Variants in RNLS observed in about 807,000 individuals in gnomAD.
The protein encoded by RNLS is renalase.
RNLS carries 39 observed loss-of-function variants against 39.8 expected under a neutral mutation model. The ratio of observed to expected loss-of-function variants is 0.98; its 90% CI spans 0.76 to 1.28. The LOEUF (loss-of-function observed/expected upper bound fraction) is 1.28, where lower values mean the gene tolerates loss of function less well. Ranked by LOEUF, RNLS falls within the 50% of genes most tolerant of loss-of-function variation. The probability of loss-of-function intolerance (pLI) is 0.00; values close to 1 mark genes in which losing one functional copy is unlikely to be tolerated. For missense variants in RNLS, 410 were observed against 413.3 expected (o/e 0.99, Z 0.07); for synonymous variants, 147 against 150.7 (o/e 0.98, Z 0.18).
At chr10:88,263,377 T>C in the RNLS span, among the ~76,000 whole-genome samples, 1 of 152,132 alleles carries the variant, frequency 6.6e-6, no homozygotes, top group Non-Finnish European at 1.5e-5. Flanking sequence ...ATTTCATATA[T>C]TTGGATTTGA....
chr10:88,349,256 T>A (rs1407536361), intron 5 of RNLS, among the ~76,000 whole-genome samples: 2 of 152,210 alleles, frequency 1.3e-5, no homozygotes, highest in African/African-American at 4.8e-5. Context: ...TCTACTTTCA[T>A]TCCATCTCTG....
At chr10:88,329,089 T>C (rs995004106) in intron 5 of RNLS, among the ~76,000 whole-genome samples, 1 of 151,878 alleles carries the variant, frequency 6.6e-6, no homozygotes, top group Non-Finnish European at 1.5e-5. Flanking sequence ...TTTTTCTTTT[T>C]TTTTTTTTGC....
At chr10:88,557,178 A>C (rs546669636) in intron 4 of RNLS, among the ~76,000 whole-genome samples, 2 of 152,330 alleles carry the variant, frequency 1.3e-5, no homozygotes, top group Admixed American at 1.3e-4. Context: ...AAGTAAAATT[A>C]TAAGATGCAA....
rs554342191 is a variant in RNLS, at chr10:88,502,207, GGCTTGA to G, written c.526+70690_526+70695del. Among the ~76,000 whole-genome samples, 20 of 151,992 alleles carry G rather than the reference GGCTTGA, an allele frequency of 1.3e-4. No individual in the cohort carries two copies. The East Asian group carries it at 3.3e-3, about 25-fold the overall frequency. Reference sequence around the variant, plus strand: ...TTCTAAATTATAATGGCTACGCTATGGCTTGAATATGGTTTGTCTCTACCAAAACTC... The same window carrying G: ...TTCTAAATTATAATGGCTACGCTATGATATGGTTTGTCTCTACCAAAACTC... On this transcript the variant is annotated intron_variant, in intron 4 of 6. Transcript: ENST00000331772.
chr10:88,309,326 A>C lies in RNLS; in HGVS notation c.876+5140T>G, dbSNP rs139760402. The C allele has an allele frequency of 4.7e-5, 50 of 1,065,422 alleles. No homozygotes were observed. In the South Asian group the frequency reaches 6.5e-4, roughly 14 times the overall value. The allele number at this position is 1,065,422 out of a possible 1,614,324, so 66.0% of individuals were successfully genotyped here. ...GAAAATGCATGGGAAAAAGCAAGAA[A>C]AAATTAAAATATCAATCACCACCTG... On this transcript the variant is annotated intron_variant, in intron 6 of 6. Coordinates refer to ENST00000331772, the MANE Select transcript of RNLS (RefSeq NM_001031709.3).
intron 4 of RNLS, among the ~76,000 whole-genome samples, chr10:88,479,808 T>G (rs1313914474): frequency 2.1e-5 from 3 of 141,308 alleles, no homozygotes; most frequent in Middle Eastern, 3.8e-3. Context: ...TTTTTTTTTT[T>G]AAGTTCCTAC....
At chr10:88,582,802 C>T (rs1850686475) in intron 1 of RNLS, among the ~76,000 whole-genome samples, 1 of 152,210 alleles carries the variant, frequency 6.6e-6, no homozygotes, top group South Asian at 2.1e-4. Context: ...GCCGCTGTCT[C>T]AGGTCTCCCT....
At chr10:88,448,794 T>A (rs926489865) in intron 4 of RNLS, among the ~76,000 whole-genome samples, 3 of 152,310 alleles carry the variant, frequency 2.0e-5, no homozygotes, top group Admixed American at 6.5e-5. Flanking sequence ...ATGTGGCACA[T>A]ATACACCATG....
At chr10:88,423,763 C>A (rs1198984003) in intron 4 of RNLS, among the ~76,000 whole-genome samples, 1 of 152,194 alleles carries the variant, frequency 6.6e-6, no homozygotes, top group Non-Finnish European at 1.5e-5. Context: ...ACTCCAAATT[C>A]TCCTCAATTC....
At chr10:88,275,635 G>A (rs1394508583) in intron 6 of RNLS, among the ~76,000 whole-genome samples, 1 of 152,096 alleles carries the variant, frequency 6.6e-6, no homozygotes, top group Admixed American at 6.5e-5. Flanking sequence ...ATACAACCCT[G>A]GGGGAATAAA....
chr10:88,537,740 G>T (rs941302078), intron 4 of RNLS, among the ~76,000 whole-genome samples: 2 of 152,162 alleles, frequency 1.3e-5, no homozygotes, highest in Admixed American at 6.6e-5. Flanking sequence ...GGGAGCTAAG[G>T]GGGGCTTCTC....
chr10:88,210,172 T>C, the RNLS span, among the ~76,000 whole-genome samples: 3 of 152,250 alleles, frequency 2.0e-5, no homozygotes, highest in Admixed American at 6.5e-5. Flanking sequence ...CTATATTATA[T>C]GGGATTCTTT....
intron 4 of RNLS, among the ~76,000 whole-genome samples, chr10:88,501,218 G>T (rs577127135): frequency 1.3e-5 from 2 of 151,998 alleles, no homozygotes; most frequent in East Asian, 3.9e-4. Context: ...ATCACCTGGG[G>T]ATATATACAT....
chr10:88,264,539 T>G, the RNLS span, among the ~76,000 whole-genome samples: 1 of 152,216 alleles, frequency 6.6e-6, no homozygotes, highest in African/African-American at 2.4e-5. Flanking sequence ...GGTATCACAT[T>G]GTGGTTTTGA....
chr10:88,441,357 T>A (rs1841704234), intron 4 of RNLS, among the ~76,000 whole-genome samples: 1 of 152,168 alleles, frequency 6.6e-6, no homozygotes. Context: ...TTCACTGAAA[T>A]CGTGCTTTGC....
chr10:88,572,799 T>C (rs1025625152), intron 4 of RNLS, 104 bp downstream of exon 4: 5 of 1,170,748 alleles, frequency 4.3e-6, no homozygotes, highest in Non-Finnish European at 6.0e-6. Context: ...GGCAAATCAA[T>C]AGAGTCTATC....
At chr10:88,249,289 C>T in the RNLS span, among the ~76,000 whole-genome samples, 1 of 152,236 alleles carries the variant, frequency 6.6e-6, no homozygotes, top group Non-Finnish European at 1.5e-5. Flanking sequence ...ACCAAATCCT[C>T]TGTTTCTCTG....
At chr10:88,579,643 G>A (rs1457636095) in intron 3 of RNLS, among the ~76,000 whole-genome samples, 1 of 152,148 alleles carries the variant, frequency 6.6e-6, no homozygotes, top group Non-Finnish European at 1.5e-5. Context: ...TCCAACCTGG[G>A]TCAGGGGAAA....
chr10:88,503,287 A>C (rs1845604481), intron 4 of RNLS, among the ~76,000 whole-genome samples: 1 of 152,190 alleles, frequency 6.6e-6, no homozygotes, highest in Non-Finnish European at 1.5e-5. Flanking sequence ...AGGCTGAGGC[A>C]TGAGAATCAC....
Sources: gnomAD v4.1 joint callset for allele counts (sites outside exome capture counted in the v4.1 genomes callset) on GRCh38, gnomAD v4.1.1 for gene constraint, MANE v1.5 for transcripts, NCBI Gene and HGNC (gene_info 2026-07-23, HGNC 2026-07-21) for gene names.